Variants in SLC8A1 observed in about 807,000 individuals in gnomAD.
SLC8A1 encodes the protein sodium/calcium exchanger 1.
Under a neutral mutation model 68.3 loss-of-function variants are expected in SLC8A1, and 18 were observed. The observed-to-expected ratio is 0.26, with a 90% CI of 0.18 to 0.39. SLC8A1 has a LOEUF of 0.39. SLC8A1 is among the 10% of genes least tolerant of loss of function. The probability of loss-of-function intolerance (pLI) is 1.00; values close to 1 mark genes in which losing one functional copy is unlikely to be tolerated. For synonymous variants in SLC8A1, 475 were observed against 415.5 expected, an observed-to-expected ratio of 1.14 and a Z score of -1.74; for missense variants, 985 against 1,156.7, an observed-to-expected ratio of 0.85 and a Z score of 2.15.
chr2:40,458,246 G>T (rs933920393), intron 1 of SLC8A1, among the ~76,000 whole-genome samples: 2 of 152,156 alleles, frequency 1.3e-5, no homozygotes, highest in Non-Finnish European at 2.9e-5. Flanking sequence ...AAATTTAAGA[G>T]GACTTACAAA....
chr2:40,342,914 G>T (rs1040870594), intron 2 of SLC8A1, among the ~76,000 whole-genome samples: 1 of 152,078 alleles, frequency 6.6e-6, no homozygotes, highest in Admixed American at 6.6e-5. Flanking sequence ...ATTTATAACT[G>T]GGTAAAATGT....
intron 2 of SLC8A1, among the ~76,000 whole-genome samples, chr2:40,270,933 C>T (rs967419532): frequency 1.1e-4 from 17 of 152,032 alleles, no homozygotes; most frequent in Admixed American, 2.0e-4. Context: ...TTCCTAACGC[C>T]CTCTTTCATT....
chr2:40,307,509 G>A lies in SLC8A1; in HGVS notation c.1808+120964C>T, dbSNP rs549070967. Among the ~76,000 whole-genome samples the A allele has an allele frequency of 8.5e-5, 13 of 152,170 alleles. 1 individual carries two copies. In the South Asian group the frequency reaches 2.7e-3, roughly 32 times the overall value. ...ACTATTGAACTGTACACTTAAGATG[G>A]TCAGGATAGTAAATTTTATATTTTT... On this transcript the variant is annotated intron_variant, in intron 2 of 7. Coordinates refer to ENST00000406785, the Ensembl canonical transcript of SLC8A1.
chr2:40,330,229 G>A (rs2076276836), intron 2 of SLC8A1, among the ~76,000 whole-genome samples: 1 of 152,136 alleles, frequency 6.6e-6, no homozygotes, highest in African/African-American at 2.4e-5. Flanking sequence ...AGTAGAGGCA[G>A]GATGATAGTA....
intron 2 of SLC8A1, among the ~76,000 whole-genome samples, chr2:40,361,887 CTTTTTTTTTTTTTTTTTTTTT>C (rs1172909749): frequency 3.8e-5 from 2 of 53,124 alleles, no homozygotes; most frequent in Non-Finnish European, 6.6e-5. Context: ...CTTTTCTTTC[CTTTTTTTTTTTTTTTTTTTTT>C]TTTTTTTTTG....
intron 2 of SLC8A1, among the ~76,000 whole-genome samples, chr2:40,413,643 T>G (rs1184958704): frequency 6.6e-6 from 1 of 152,172 alleles, no homozygotes; most frequent in Admixed American, 6.5e-5. Context: ...GTGAAAACAT[T>G]CATGTCCTGT....
At chr2:40,191,650 A>T (rs1234303715) in intron 2 of SLC8A1, among the ~76,000 whole-genome samples, 1 of 152,224 alleles carries the variant, frequency 6.6e-6, no homozygotes, top group African/African-American at 2.4e-5. Flanking sequence ...CCACTGGACC[A>T]AACAGTGAGA....
At chr2:40,149,720 A>G (rs185371392) in intron 6 of SLC8A1, among the ~76,000 whole-genome samples, 14 of 152,330 alleles carry the variant, frequency 9.2e-5, no homozygotes, top group African/African-American at 3.4e-4. Context: ...TAGCTACTGC[A>G]CGAGGCTGCT....
At chr2:40,294,260 GTTCC>G (rs1174831937) in intron 2 of SLC8A1, among the ~76,000 whole-genome samples, 2 of 151,998 alleles carry the variant, frequency 1.3e-5, no homozygotes, top group African/African-American at 2.4e-5. Flanking sequence ...ATCATTTGAG[GTTCC>G]TTTTTTCCTA....
intron 2 of SLC8A1, among the ~76,000 whole-genome samples, chr2:40,293,443 T>C (rs143925491): frequency 1.3e-5 from 2 of 152,344 alleles, no homozygotes; most frequent in African/African-American, 4.8e-5. Flanking sequence ...AAATAAACCT[T>C]AATCTAAACT....
intron 2 of SLC8A1, among the ~76,000 whole-genome samples, chr2:40,178,127 C>T (rs2048804965): frequency 6.6e-6 from 1 of 152,230 alleles, no homozygotes; most frequent in Non-Finnish European, 1.5e-5. Context: ...CATTGCATGG[C>T]ATCTGCAGCA....
intron 1 of SLC8A1, among the ~76,000 whole-genome samples, chr2:40,435,345 C>T (rs998254992): frequency 1.3e-5 from 2 of 152,142 alleles, no homozygotes; most frequent in Admixed American, 6.5e-5. Flanking sequence ...ATCTGACCAT[C>T]TCACCTAAAG....
chr2:40,203,149 T>TG (rs1278207703), intron 2 of SLC8A1, among the ~76,000 whole-genome samples: 1 of 152,006 alleles, frequency 6.6e-6, no homozygotes, highest in Non-Finnish European at 1.5e-5. Flanking sequence ...CTAATGCTAG[T>TG]GCTGCTTTGC....
chr2:40,481,721 A>G (rs577865054), intron 1 of SLC8A1, among the ~76,000 whole-genome samples: 21 of 152,190 alleles, frequency 1.4e-4, no homozygotes, highest in African/African-American at 5.1e-4. Flanking sequence ...CTAAGTCTTA[A>G]CTCTTTCAGA....
At position 40,239,238 on chromosome 2, in the gene SLC8A1, C is replaced by A. The variant is rs140695063; in HGVS notation, c.1809-61383G>T. ...AGTGAACACAGTACCCCAATTCTAG[C>A]TTTTTAGTGTCTATCTTTAATATTG... On this transcript the variant is annotated intron_variant, in intron 2 of 7. Transcript: ENST00000406785. 2.0e-5 allele frequency among the ~76,000 whole-genome samples: 3 copies of A among 152,182 alleles called. No individual in the cohort carries two copies. In the East Asian group the frequency reaches 5.8e-4, roughly 29 times the overall value.
exon 8 of SLC8A1, chr2:40,100,847 A>G (rs958687580): frequency 4.6e-5 from 7 of 152,120 alleles, no homozygotes; most frequent in Non-Finnish European, 8.8e-5. Context: ...ATTCCTGAAA[A>G]AGAGCTACCA....
intron 2 of SLC8A1, among the ~76,000 whole-genome samples, chr2:40,349,447 C>G (rs1670371634): frequency 6.6e-6 from 1 of 152,198 alleles, no homozygotes; most frequent in Non-Finnish European, 1.5e-5. Flanking sequence ...AAAAGACTTT[C>G]TAGTTACCAG....
chr2:40,319,569 A>C (rs1294018298), intron 2 of SLC8A1, among the ~76,000 whole-genome samples: 2 of 152,106 alleles, frequency 1.3e-5, no homozygotes, highest in Non-Finnish European at 2.9e-5. Flanking sequence ...TAAGTGAATG[A>C]AAGAGTAGAT....
intron 2 of SLC8A1, among the ~76,000 whole-genome samples, chr2:40,407,379 A>G (rs1299296788): frequency 6.6e-6 from 1 of 152,184 alleles, no homozygotes; most frequent in East Asian, 1.9e-4. Context: ...CAGATTCCTC[A>G]TGGACTGGTT....
Sources: gnomAD v4.1 joint callset for allele counts (sites outside exome capture counted in the v4.1 genomes callset) on GRCh38, gnomAD v4.1.1 for gene constraint, MANE v1.5 for transcripts, NCBI Gene and HGNC (gene_info 2026-07-23, HGNC 2026-07-21) for gene names.